Variants in DHX57 observed in about 807,000 individuals in gnomAD.
DHX57 encodes putative ATP-dependent RNA helicase DHX57.
In DHX57, 105 loss-of-function variants were observed where a neutral mutation model predicts 156.2. That is an observed-to-expected ratio of 0.67 (90% CI 0.57 to 0.79). DHX57 has a LOEUF of 0.79. DHX57 is among the 30% of genes least tolerant of loss of function. The pLI is 0.00. For synonymous variants in DHX57, 704 were observed against 595.6 expected (o/e 1.18, Z -2.65); for missense variants, 1,847 against 1,661.9 (o/e 1.11, Z -1.94).
intron 14 of DHX57, among the ~76,000 whole-genome samples, chr2:38,827,517 T>A (rs1348295177): frequency 7.8e-3 from 108 of 13,926 alleles, no homozygotes; most frequent in Non-Finnish European, 0.025. Context: ...TATATATATA[T>A]ATATATATAT....
intron 21 of DHX57, among the ~76,000 whole-genome samples, chr2:38,807,489 C>A (rs1670011978): frequency 6.6e-6 from 1 of 151,848 alleles, no homozygotes; most frequent in Admixed American, 6.6e-5. Context: ...TCCCTAGTAG[C>A]TGGGACTACA....
At chr2:38,860,538 TC>T (rs1673140585) in intron 5 of DHX57, among the ~76,000 whole-genome samples, 1 of 152,138 alleles carries the variant, frequency 6.6e-6, no homozygotes, top group South Asian at 2.1e-4. Context: ...ATTTAGGGAT[TC>T]ATAGAGCTAT....
chr2:38,802,447 C>A (rs1158586678), intron 23 of DHX57, among the ~76,000 whole-genome samples: 1 of 152,048 alleles, frequency 6.6e-6, no homozygotes, highest in East Asian at 1.9e-4. Context: ...ACCAACATGC[C>A]CAGCTAATTT....
intron 5 of DHX57, among the ~76,000 whole-genome samples, chr2:38,859,277 A>G (rs1673061417): frequency 6.6e-6 from 1 of 152,216 alleles, no homozygotes; most frequent in Non-Finnish European, 1.5e-5. Context: ...GCCCATCTCA[A>G]AAAGCTGCAT....
chr2:38,803,047 G>T, intron 22 of DHX57, 132 bp from the exon 23 acceptor site: 1 of 884,948 alleles, frequency 1.1e-6, no homozygotes, highest in South Asian at 1.7e-5. Context: ...TGACTTTCCT[G>T]AGCTCCAGAT....
At chr2:38,800,773 T>C (rs1669645160) in intron 23 of DHX57, among the ~76,000 whole-genome samples, 1 of 152,204 alleles carries the variant, frequency 6.6e-6, no homozygotes, top group Admixed American at 6.6e-5. Context: ...ACCACTGAAC[T>C]GCTAAATCAA....
intron 2 of DHX57, among the ~76,000 whole-genome samples, chr2:38,866,542 C>T (rs1665080314): frequency 6.6e-6 from 1 of 152,154 alleles, no homozygotes; most frequent in Non-Finnish European, 1.5e-5. Context: ...TAGCATGCGG[C>T]ACCTGGTAAT....
chr2:38,806,182 G>C (rs1200604130), intron 22 of DHX57, among the ~76,000 whole-genome samples: 1 of 152,160 alleles, frequency 6.6e-6, no homozygotes, highest in East Asian at 1.9e-4. Context: ...GTTTAGTGAA[G>C]TGGTGGGGGC....
intron 21 of DHX57, chr2:38,810,832 C>T (rs1670206849): frequency 1.4e-6 from 1 of 740,566 alleles, no homozygotes; most frequent in East Asian, 2.7e-5. Flanking sequence ...TGGGGTCTTG[C>T]AGATACCTCA....
At chr2:38,813,796 A>G (rs1429508232) in intron 21 of DHX57, 25 bp downstream of exon 21, 4 of 1,612,180 alleles carry the variant, frequency 2.5e-6, no homozygotes, top group African/African-American at 2.7e-5. Context: ...AAAAATGGAA[A>G]GATCTAGGAA....
chr2:38,838,940 T>A (rs192083253), intron 12 of DHX57: 13 of 258,764 alleles, frequency 5.0e-5, no homozygotes, highest in Non-Finnish European at 9.2e-5. Flanking sequence ...TTTTATTTTA[T>A]TTTATTTTTG....
At chr2:38,822,323 C>T (rs980174232) in intron 17 of DHX57, among the ~76,000 whole-genome samples, 1 of 151,994 alleles carries the variant, frequency 6.6e-6, no homozygotes, top group Non-Finnish European at 1.5e-5. Flanking sequence ...TCAGGTGATC[C>T]ACCTGCCTCG....
intron 19 of DHX57, among the ~76,000 whole-genome samples, chr2:38,816,398 A>G (rs1388925232): frequency 1.3e-5 from 2 of 151,634 alleles, no homozygotes; most frequent in Non-Finnish European, 2.9e-5. Context: ...TATTTTTAGT[A>G]GAGACGGAGG....
At chr2:38,833,795 C>T (rs1671507234) in intron 13 of DHX57, among the ~76,000 whole-genome samples, 1 of 151,176 alleles carries the variant, frequency 6.6e-6, no homozygotes, top group Non-Finnish European at 1.5e-5. Context: ...AGATTTGTGA[C>T]AATTTGAAAA....
rs535253474 is a variant in DHX57 at position 38,859,154 on chromosome 2, A to G, written c.1412-318T>C. Among the ~76,000 whole-genome samples, 20 of 152,372 alleles carry G rather than the reference A, an allele frequency of 1.3e-4. 1 individual carries two copies. The South Asian group carries it at 4.1e-3, about 32-fold the overall frequency. ...TATCTATCAAATGATGAATCAATGA[A>G]CAAAATGTGGTATGTCCACATAATA... is the stretch of plus-strand genomic sequence containing the variant. On this transcript the variant is annotated intron_variant, in intron 5 of 23. Coordinates refer to ENST00000457308, the MANE Select transcript of DHX57 (RefSeq NM_198963.3).
chr2:38,824,163 A>C (rs1448515787), intron 16 of DHX57, among the ~76,000 whole-genome samples: 1 of 152,232 alleles, frequency 6.6e-6, no homozygotes, highest in South Asian at 2.1e-4. Context: ...ATACAGTGGA[A>C]TACTACTCAG....
intron 19 of DHX57, chr2:38,816,309 G>T (rs960812992): frequency 2.9e-5 from 13 of 448,080 alleles, no homozygotes; most frequent in Non-Finnish European, 4.5e-5. Flanking sequence ...CTGCCTCCTG[G>T]GTTCAAGTGA....
chr2:38,869,538 T>C (rs1665257504), intron 1 of DHX57, among the ~76,000 whole-genome samples: 1 of 152,148 alleles, frequency 6.6e-6, no homozygotes, highest in Non-Finnish European at 1.5e-5. Context: ...GTAAAGGAAT[T>C]TACTCTCCAG....
At chr2:38,803,860 C>T (rs1365323730) in intron 22 of DHX57, among the ~76,000 whole-genome samples, 2 of 151,554 alleles carry the variant, frequency 1.3e-5, no homozygotes, top group Non-Finnish European at 2.9e-5. Flanking sequence ...TGGCTCACTG[C>T]AACCTCTACC....
Sources: gnomAD v4.1 joint callset for allele counts (sites outside exome capture counted in the v4.1 genomes callset) on GRCh38, gnomAD v4.1.1 for gene constraint, MANE v1.5 for transcripts, NCBI Gene and HGNC (gene_info 2026-07-23, HGNC 2026-07-21) for gene names.